LINGO2: variants seen among roughly 807,000 people sequenced by gnomAD.
LINGO2 encodes leucine rich repeat and Ig domain containing 2.
A neutral mutation model predicts 30.6 loss-of-function variants in LINGO2; 14 were observed. The observed-to-expected ratio is 0.46, with a 90% CI of 0.30 to 0.72. The LOEUF (loss-of-function observed/expected upper bound fraction) is 0.72. Among genes scored for constraint, LINGO2 ranks in the 30% least tolerant of loss-of-function variants. The pLI, the probability that LINGO2 is intolerant of heterozygous loss-of-function variation, is 0.07. For synonymous variants in LINGO2, 317 were observed against 288.5 expected (o/e 1.10, Z -1.00); for missense variants, 729 against 751.7 (o/e 0.97, Z 0.35).
intron 1 of LINGO2, among the ~76,000 whole-genome samples, chr9:28,622,337 T>C (rs1358594931): frequency 2.0e-5 from 3 of 151,978 alleles, no homozygotes; most frequent in Non-Finnish European, 4.4e-5. Context: ...ACCATCCTTC[T>C]ACTCTCTCTG....
intron 4 of LINGO2, among the ~76,000 whole-genome samples, chr9:28,146,331 A>G (rs1400954849): frequency 6.6e-6 from 1 of 152,250 alleles, no homozygotes; most frequent in African/African-American, 2.4e-5. Context: ...AAAATTAATA[A>G]TTTCAGAATA....
At chr9:28,421,106 G>C (rs2026968) in intron 2 of LINGO2, among the ~76,000 whole-genome samples, 5,537 of 151,248 alleles carry the variant, frequency 0.037, 339 homozygotes, top group African/African-American at 0.12. Flanking sequence ...GTAGAACAAA[G>C]AAACAAAAAA....
chr9:27,967,016 G>C (rs994930971), intron 5 of LINGO2, among the ~76,000 whole-genome samples: 1 of 152,114 alleles, frequency 6.6e-6, no homozygotes, highest in African/African-American at 2.4e-5. Context: ...GGATATTCTT[G>C]AACAAAAGAT....
chr9:28,981,371 T>TAGAG, the LINGO2 span, among the ~76,000 whole-genome samples: 98,482 of 151,488 alleles, frequency 0.65, 32,578 homozygotes, highest in Non-Finnish European at 0.72. Flanking sequence ...TTAAGATCCT[T>TAGAG]AGATTATAAA....
chr9:28,783,772 G>A, the LINGO2 span, among the ~76,000 whole-genome samples: 1 of 152,204 alleles, frequency 6.6e-6, no homozygotes, highest in East Asian at 1.9e-4. Context: ...ATAACAGAGT[G>A]CTATAGACTG....
At chr9:28,467,135 C>G (rs1339715731) in intron 2 of LINGO2, among the ~76,000 whole-genome samples, 6 of 151,998 alleles carry the variant, frequency 3.9e-5, no homozygotes, top group Non-Finnish European at 8.8e-5. Flanking sequence ...ACGCCATTCT[C>G]CTGCCTCAGC....
At chr9:29,149,942 G>A in the LINGO2 span, among the ~76,000 whole-genome samples, 2 of 152,174 alleles carry the variant, frequency 1.3e-5, no homozygotes, top group Non-Finnish European at 2.9e-5. Context: ...TAAAGCCACT[G>A]TCTGACCGCT....
At chr9:28,726,864 C>T in the LINGO2 span, among the ~76,000 whole-genome samples, 7 of 152,268 alleles carry the variant, frequency 4.6e-5, no homozygotes, top group Non-Finnish European at 1.0e-4. Flanking sequence ...CTACTACCCA[C>T]GCTGATGTAT....
At chr9:28,489,259 T>A (rs1826290461) in intron 1 of LINGO2, among the ~76,000 whole-genome samples, 1 of 152,132 alleles carries the variant, frequency 6.6e-6, no homozygotes, top group South Asian at 2.1e-4. Flanking sequence ...AACCTCCATC[T>A]CCGGGTTTCA....
chr9:29,003,775 A>T, the LINGO2 span, among the ~76,000 whole-genome samples: 1 of 151,990 alleles, frequency 6.6e-6, no homozygotes, highest in Non-Finnish European at 1.5e-5. Flanking sequence ...TTACAAACTC[A>T]ACTGTGGTTA....
intron 4 of LINGO2, among the ~76,000 whole-genome samples, chr9:28,283,375 G>T (rs1453586150): frequency 1.3e-5 from 2 of 152,124 alleles, no homozygotes; most frequent in African/African-American, 4.8e-5. Context: ...AATATCACTA[G>T]TAGCAATGGG....
the LINGO2 span, among the ~76,000 whole-genome samples, chr9:28,675,476 TGG>T: frequency 6.6e-6 from 1 of 152,142 alleles, no homozygotes; most frequent in Non-Finnish European, 1.5e-5. Context: ...TTTGAAAGGA[TGG>T]TTATTAAAAT....
At chr9:29,061,530 T>G in the LINGO2 span, among the ~76,000 whole-genome samples, 1 of 151,990 alleles carries the variant, frequency 6.6e-6, no homozygotes, top group South Asian at 2.1e-4. Flanking sequence ...AATAATCTTC[T>G]GCATAAAAGA....
chr9:28,912,692 T>C, the LINGO2 span, among the ~76,000 whole-genome samples: 3 of 152,212 alleles, frequency 2.0e-5, no homozygotes, highest in African/African-American at 7.2e-5. Context: ...TAATCACTGA[T>C]GCTTCTCCTT....
chr9:29,044,354 T>C, the LINGO2 span, among the ~76,000 whole-genome samples: 2 of 152,020 alleles, frequency 1.3e-5, no homozygotes, highest in Non-Finnish European at 2.9e-5. Context: ...TGATTTTGTA[T>C]ACTCTGACAT....
chr9:28,575,098 T>C (rs1040775281), intron 1 of LINGO2, among the ~76,000 whole-genome samples: 3 of 151,996 alleles, frequency 2.0e-5, no homozygotes, highest in Admixed American at 1.3e-4. Context: ...CATGAACCGA[T>C]GCAGAAATAA....
chr9:28,129,083 C>G lies in LINGO2; in HGVS notation c.-86-116678G>C, dbSNP rs1827314853. Among the ~76,000 whole-genome samples, 1 of 152,094 alleles carries G rather than the reference C, an allele frequency of 6.6e-6. No individual in the cohort carries two copies. On this transcript the variant is annotated intron_variant, in intron 4 of 5. Coordinates refer to ENST00000379992, the Ensembl canonical transcript of LINGO2. The surrounding 1 kb of genome is among the most constrained non-coding windows in gnomAD (Gnocchi z 4.0). ...ACTTTCGGAGTCTTGGACTTAACAC[C>G]AGAGGTTTGCCAGAGGCTCTCAGGC...
intron 4 of LINGO2, among the ~76,000 whole-genome samples, chr9:28,204,411 G>A (rs1163445182): frequency 3.9e-5 from 6 of 152,142 alleles, no homozygotes; most frequent in Middle Eastern, 3.2e-3. Context: ...CTGATACTGT[G>A]ATGCTCTTTC....
At chr9:28,859,285 A>T in the LINGO2 span, among the ~76,000 whole-genome samples, 4 of 152,088 alleles carry the variant, frequency 2.6e-5, no homozygotes, top group Non-Finnish European at 4.4e-5. Flanking sequence ...GATCTCAAGA[A>T]GACAAAATTA....
Sources: gnomAD v4.1 joint callset for allele counts (sites outside exome capture counted in the v4.1 genomes callset) on GRCh38, gnomAD v4.1.1 for gene constraint, Gnocchi (gnomAD v3.1) non-coding constraint, MANE v1.5 for transcripts, NCBI Gene and HGNC (gene_info 2026-07-23, HGNC 2026-07-21) for gene names.